Variants in UBXN4 observed in about 807,000 individuals in gnomAD.
UBXN4 encodes the protein UBX domain protein 4.
UBXN4 carries 35 observed loss-of-function variants against 66.2 expected under a neutral mutation model. The ratio of observed to expected loss-of-function variants is 0.53; its 90% CI spans 0.40 to 0.70. UBXN4 has a LOEUF of 0.70. UBXN4 is among the 30% of genes least tolerant of loss of function. UBXN4 has a pLI of 0.00. For synonymous variants in UBXN4, 203 were observed against 204.5 expected (o/e 0.99, Z 0.06); for missense variants, 533 against 599.8 (o/e 0.89, Z 1.16).
intron 2 of UBXN4, among the ~76,000 whole-genome samples, chr2:135,750,916 C>T (rs1327073456): frequency 7.9e-6 from 1 of 126,540 alleles, no homozygotes; most frequent in African/African-American, 3.1e-5. Flanking sequence ...AGTGCAGTGG[C>T]GTGATCTCGG....
In UBXN4 at chr2:135,781,377, C is replaced by T. The variant is rs538375582; in HGVS notation, c.1388+992C>T. Among the ~76,000 whole-genome samples the T allele has an allele frequency of 5.3e-5, 8 of 152,280 alleles. No individual in the cohort carries two copies. In the East Asian group the frequency reaches 1.4e-3, roughly 26 times the overall value. ...TTTTCCTAGAAAGTAAGTTTATGCC[C>T]CTTTCTAATAATTACATAATAATGT... On this transcript the variant is annotated intron_variant, in intron 12 of 12. Coordinates refer to ENST00000272638, the MANE Select transcript of UBXN4 (RefSeq NM_014607.4).
At chr2:135,761,529 A>G (rs1209153982) in intron 5 of UBXN4, among the ~76,000 whole-genome samples, 1 of 152,202 alleles carries the variant, frequency 6.6e-6, no homozygotes, top group East Asian at 1.9e-4. Context: ...AGTGAAGGCT[A>G]CCCATAGCCA....
chr2:135,765,213 T>G (rs72970286), intron 6 of UBXN4, among the ~76,000 whole-genome samples: 29,111 of 151,814 alleles, frequency 0.19, 4,065 homozygotes, highest in African/African-American at 0.37. Flanking sequence ...ATTATGTTTT[T>G]TTTTTTTTTC....
At chr2:135,780,140 G>T (rs758915389) in intron 11 of UBXN4, 43 bp from the exon 12 acceptor site, 2 of 1,592,692 alleles carry the variant, frequency 1.3e-6, no homozygotes, top group East Asian at 2.2e-5. Flanking sequence ...TGATGTGATT[G>T]TGCTAACGTA....
At chr2:135,780,465 T>C in intron 12 of UBXN4, 80 bp downstream of exon 12, 2 of 1,399,886 alleles carry the variant, frequency 1.4e-6, no homozygotes, top group Non-Finnish European at 2.0e-6. Flanking sequence ...TTGAGTACTT[T>C]GCCTTTCTGT....
chr2:135,774,239 C>G (rs192340630), intron 9 of UBXN4, among the ~76,000 whole-genome samples: 1 of 152,158 alleles, frequency 6.6e-6, no homozygotes, highest in East Asian at 1.9e-4. Context: ...AAAAGGGTAC[C>G]AAGACTATTC....
intron 9 of UBXN4, among the ~76,000 whole-genome samples, chr2:135,772,893 T>G (rs2077392006): frequency 6.6e-6 from 1 of 151,854 alleles, no homozygotes; most frequent in Non-Finnish European, 1.5e-5. Context: ...AAAAATTAGC[T>G]GGGCATGGTG....
chr2:135,754,314 A>G, intron 4 of UBXN4, 37 bp downstream of exon 4: 2 of 1,535,474 alleles, frequency 1.3e-6, no homozygotes, highest in South Asian at 2.3e-5. Flanking sequence ...CGTAAATGGT[A>G]CGTCAGGAAT....
At chr2:135,776,184 C>A in intron 9 of UBXN4, 65 bp from the exon 10 acceptor site, 2 of 1,348,196 alleles carry the variant, frequency 1.5e-6, no homozygotes, top group Non-Finnish European at 2.1e-6. Context: ...TTTTCTCTAA[C>A]TTAATGATAT....
chr2:135,748,280 G>T lies in UBXN4; in HGVS notation c.96G>T (p.Gln32His), dbSNP rs777778176. The change falls in exon 2 of 13, where the codon CAG (glutamine) becomes CAT (histidine). Residue 32 changes from glutamine to histidine, a missense_variant. By Grantham distance (24) the Gln-to-His change is conservative. Around this residue, in one of 2 missense-constraint regions of UBXN4, gnomAD observed 529 missense variants for 580.1 expected, o/e 0.91. Transcript: ENST00000272638. ...AATGTTTTACAGGTGATGATGAACAGTCTACACAGATGGCTGCAAGTTGGG... is the reference window on the plus strand; with the variant it reads ...AATGTTTTACAGGTGATGATGAACATTCTACACAGATGGCTGCAAGTTGGG... Reference protein sequence around the residue: ...FVVFVAGDDEQSTQMAASWED... With the variant: ...FVVFVAGDDEHSTQMAASWED... 12 of 1,603,124 alleles carry T rather than the reference G, an allele frequency of 7.5e-6. No homozygotes were observed. Among genetic ancestry groups the T allele is most frequent in the Non-Finnish European group, 9.4e-6 (11 of 1,174,948 alleles).
chr2:135,744,245 A>T (rs1004684374), intron 1 of UBXN4, among the ~76,000 whole-genome samples: 1 of 152,240 alleles, frequency 6.6e-6, no homozygotes, highest in Non-Finnish European at 1.5e-5. Flanking sequence ...GGAAGACGTG[A>T]TCTCAAGAGT....
rs1200222185 is a variant in UBXN4, at chr2:135,768,036, A to G, written c.603-1733A>G. ...GCTGGCACACATTGTTCAGTTTGGT[A>G]TACACCAAACACTTTTAGAGAAAAT... is the stretch of plus-strand genomic sequence containing the variant. On this transcript the variant is annotated intron_variant, in intron 6 of 12. Coordinates refer to ENST00000272638, the MANE Select transcript of UBXN4 (RefSeq NM_014607.4). Among the ~76,000 whole-genome samples, 4 of 152,126 alleles carry G rather than the reference A, an allele frequency of 2.6e-5. No homozygotes were observed. In the East Asian group the frequency reaches 7.7e-4, roughly 29 times the overall value.
chr2:135,753,435 G>A, intron 2 of UBXN4, 104 bp from the exon 3 acceptor site: 2 of 934,798 alleles, frequency 2.1e-6, no homozygotes, highest in Middle Eastern at 2.4e-4. Context: ...ACTGGTAGTT[G>A]CAGGAAAATA....
At chr2:135,750,103 G>A (rs1051326077) in intron 2 of UBXN4, among the ~76,000 whole-genome samples, 2 of 152,090 alleles carry the variant, frequency 1.3e-5, no homozygotes, top group African/African-American at 2.4e-5. Flanking sequence ...TCTTTATGAT[G>A]TTAGCAGCTA....
rs572525935 is a variant in UBXN4, at chr2:135,783,367, T to G, written c.*480T>G. 3 of 152,488 alleles carry G rather than the reference T, an allele frequency of 2.0e-5. No individual in the cohort carries two copies. Among genetic ancestry groups the G allele is most frequent in the African/African-American group, 7.2e-5 (3 of 41,588 alleles). The allele number at this position is 152,488 out of a possible 1,614,324, so 9.4% of individuals were successfully genotyped here. The stretch of plus-strand genomic sequence containing the variant: ...TCAGCTGCAAGCAAAATCTTGTAGT[T>G]TTTAATCTTAAACACTGAATAAAAA... On this transcript the variant is annotated 3_prime_UTR_variant, in exon 13 of 13. Coordinates refer to ENST00000272638, the MANE Select transcript of UBXN4 (RefSeq NM_014607.4).
At chr2:135,772,706 G>A (rs2105506167) in intron 9 of UBXN4, among the ~76,000 whole-genome samples, 159 bp downstream of exon 9, 1 of 152,294 alleles carries the variant, frequency 6.6e-6, no homozygotes, top group East Asian at 1.9e-4. Context: ...CATTTCGTGT[G>A]AGTGTACACT....
At chr2:135,776,656 C>T (rs992213918) in intron 10 of UBXN4, among the ~76,000 whole-genome samples, 21 of 152,192 alleles carry the variant, frequency 1.4e-4, no homozygotes, top group African/African-American at 4.3e-4. Context: ...TGCAGTGGTG[C>T]GATCACAGCT....
rs374534567 is a variant in UBXN4 at position 135,768,910 on chromosome 2, C to G, written c.603-859C>G. On this transcript the variant is annotated intron_variant, in intron 6 of 12. Transcript: ENST00000272638. ...AAAGATGGGGTCTCAAGTTGTTACC[C>G]AGACTGGTTTCGAACTCCAGGGCTT... is the stretch of plus-strand genomic sequence containing the variant. 2.6e-4 allele frequency among the ~76,000 whole-genome samples: 39 copies of G among 151,950 alleles called. No individual in the cohort carries two copies. In the East Asian group the frequency reaches 7.6e-3, roughly 30 times the overall value.
chr2:135,770,775 C>A, intron 8 of UBXN4, 40 bp downstream of exon 8: 1 of 1,436,630 alleles, frequency 7.0e-7, no homozygotes, highest in South Asian at 1.8e-5. Flanking sequence ...AACTGTTTTT[C>A]TGTGCACAGT....
Sources: allele counts gnomAD v4.1 joint callset (sites outside exome capture counted in the v4.1 genomes callset), GRCh38; gene constraint gnomAD v4.1.1; regional missense constraint gnomAD v4.1.1; transcripts MANE v1.5; gene names NCBI Gene and HGNC (gene_info 2026-07-23, HGNC 2026-07-21).